Variants in PARD3B observed in about 807,000 individuals in gnomAD.
The protein encoded by PARD3B is par-3 family cell polarity regulator beta.
A neutral mutation model predicts 130.2 loss-of-function variants in PARD3B; 103 were observed. The observed-to-expected ratio is 0.79, with a 90% confidence interval of 0.67 to 0.93. The LOEUF (loss-of-function observed/expected upper bound fraction) is 0.93, where lower values mean the gene tolerates loss of function less well. Ranked by LOEUF, PARD3B falls within the 40% of genes least tolerant of loss-of-function variation. The pLI is 0.00. For missense variants in PARD3B, 1,609 were observed against 1,499.2 expected, an observed-to-expected ratio of 1.07 and a Z score of -1.21; for synonymous variants, 583 against 553.2, an observed-to-expected ratio of 1.05 and a Z score of -0.76.
At chr2:204,777,965 A>G (rs2041696289) in intron 2 of PARD3B, among the ~76,000 whole-genome samples, 1 of 151,914 alleles carries the variant, frequency 6.6e-6, no homozygotes, top group Non-Finnish European at 1.5e-5. Context: ...TCTCCTTCAC[A>G]CACTCTCCTG....
chr2:204,788,488 C>T (rs2042089374), intron 2 of PARD3B, among the ~76,000 whole-genome samples: 1 of 152,210 alleles, frequency 6.6e-6, no homozygotes, highest in Non-Finnish European at 1.5e-5. Context: ...TTATAAGCCA[C>T]CCAGGTGCAG....
intron 6 of PARD3B, among the ~76,000 whole-genome samples, chr2:205,115,493 A>G (rs1703956977): frequency 6.6e-6 from 1 of 152,180 alleles, no homozygotes; most frequent in Non-Finnish European, 1.5e-5. Flanking sequence ...TAAAACCAAA[A>G]AGCCTGATTC....
At position 205,321,715 on chromosome 2, in the gene PARD3B, G is replaced by T. The variant is rs564898856; in HGVS notation, c.2630+20014G>T. On this transcript the variant is annotated intron_variant, in intron 18 of 22. Transcript: ENST00000406610. This position sits in a 1 kb window ranked among gnomAD's most constrained non-coding sequence, Gnocchi z 4.2. ...TCAGAAATTACAAACAAGGAAGGTGGTAATTTCAAATATGATTACAAGTCA... is the reference window on the plus strand; with the variant it reads ...TCAGAAATTACAAACAAGGAAGGTGTTAATTTCAAATATGATTACAAGTCA... 6.6e-6 allele frequency among the ~76,000 whole-genome samples: 1 copy of T among 152,258 alleles called. No homozygotes were observed. The highest frequency in any genetic ancestry group is 1.9e-4 in the East Asian group (1 of 5,194).
In PARD3B at chr2:205,142,913, A is replaced by T. The variant is rs968615944; in HGVS notation, c.1435-15809A>T. Among the ~76,000 whole-genome samples the T allele has an allele frequency of 1.0e-5, 1 of 99,140 alleles. No individual in the cohort carries two copies. The highest frequency in any genetic ancestry group is 2.4e-5 in the Non-Finnish European group (1 of 41,318). The allele number at this position is 99,140 out of a possible 152,430, so 65.0% of individuals were successfully genotyped here. ...ATAAATAAATAAATAAATAAATAAG[A>T]TAGGCAAGCTGGCAAATAATTGTAA... is the stretch of plus-strand genomic sequence containing the variant. On this transcript the variant is annotated intron_variant, in intron 10 of 22. Transcript: ENST00000406610. This position sits in a 1 kb window ranked among gnomAD's most constrained non-coding sequence, Gnocchi z 4.3.
rs944426659 is a variant in PARD3B at position 205,321,943 on chromosome 2, G to A, written c.2630+20242G>A. ...CGGTAACCATTAAATTTGGTGCAGA[G>A]TGCTTGAATGAAATGGTGAACAGGA... On this transcript the variant is annotated intron_variant, in intron 18 of 22. Transcript: ENST00000406610. This position sits in a 1 kb window ranked among gnomAD's most constrained non-coding sequence, Gnocchi z 4.2. Among the ~76,000 whole-genome samples, 1 of 152,176 alleles carries A rather than the reference G, an allele frequency of 6.6e-6. No individual in the cohort carries two copies. The highest frequency in any genetic ancestry group is 2.4e-5 in the African/African-American group (1 of 41,434).
intron 2 of PARD3B, among the ~76,000 whole-genome samples, chr2:204,861,162 T>TTCTCTC (rs60740602): frequency 0.015 from 1,412 of 91,292 alleles, 91 homozygotes; most frequent in East Asian, 0.04. Flanking sequence ...CCTAATACCT[T>TTCTCTC]TCTCTCTCTC....
At chr2:205,238,158 G>A (rs2039153685) in intron 15 of PARD3B, among the ~76,000 whole-genome samples, 1 of 152,162 alleles carries the variant, frequency 6.6e-6, no homozygotes, top group African/African-American at 2.4e-5. Context: ...CGTGGTACTA[G>A]GCTAAAATGG....
At chr2:204,850,047 T>C (rs556174489) in intron 2 of PARD3B, among the ~76,000 whole-genome samples, 18 of 152,332 alleles carry the variant, frequency 1.2e-4, no homozygotes, top group Admixed American at 1.1e-3. Context: ...ACAAGTCTTT[T>C]GGAGCTGGCA....
At chr2:205,432,722 C>G (rs2047379938) in intron 19 of PARD3B, among the ~76,000 whole-genome samples, 1 of 152,170 alleles carries the variant, frequency 6.6e-6, no homozygotes, top group East Asian at 1.9e-4. Context: ...TCATACTACT[C>G]ACACTTCAAG....
rs1378097872 is a variant in PARD3B at position 205,572,763 on chromosome 2, A to G, written c.3260+19360A>G. On this transcript the variant is annotated intron_variant, in intron 22 of 22. Coordinates refer to ENST00000406610, the MANE Select transcript of PARD3B (RefSeq NM_001302769.2). This position sits in a 1 kb window ranked among gnomAD's most constrained non-coding sequence, Gnocchi z 4.2. The stretch of plus-strand genomic sequence containing the variant: ...CCCATCTCCTAAATAAATAAATTGG[A>G]GAGACAAGACTACAATCAGGAAGGG... Among the ~76,000 whole-genome samples the G allele has an allele frequency of 2.0e-5, 3 of 152,176 alleles. No homozygotes were observed. Among genetic ancestry groups the G allele is most frequent in the African/African-American group, 7.2e-5 (3 of 41,440 alleles).
At position 205,440,649 on chromosome 2, in the gene PARD3B, C is replaced by A; in HGVS notation, c.3021C>A (p.Tyr1007Ter). 1 of 1,613,620 alleles carries A rather than the reference C, an allele frequency of 6.2e-7. No homozygotes were observed. The highest frequency in any genetic ancestry group is 1.1e-5 in the South Asian group (1 of 91,072). ...EGLYAKVNKP[Y>*]HPLVPADSGR... ...TCTATGCCAAGGTCAACAAGCCATACCATCCACTGGTTCCAGCTGACAGGT... is the reference window on the plus strand; with the variant it reads ...TCTATGCCAAGGTCAACAAGCCATAACATCCACTGGTTCCAGCTGACAGGT... The change falls in exon 20 of 23, where the codon TAC becomes TAA. Residue 1007 changes from tyrosine to a stop codon, truncating the protein, a stop_gained. Transcript: ENST00000406610. LOFTEE classifies it high-confidence loss of function. This position sits in a 1 kb window ranked among gnomAD's most constrained non-coding sequence, Gnocchi z 4.2.
intron 2 of PARD3B, among the ~76,000 whole-genome samples, chr2:204,798,791 G>A (rs1373124483): frequency 6.6e-6 from 1 of 152,098 alleles, no homozygotes; most frequent in East Asian, 1.9e-4. Flanking sequence ...TGGGCCAGAA[G>A]GGAACCCGAT....
intron 2 of PARD3B, among the ~76,000 whole-genome samples, chr2:204,779,926 A>G (rs1473233065): frequency 2.0e-5 from 3 of 152,224 alleles, no homozygotes; most frequent in Admixed American, 6.5e-5. Flanking sequence ...TGAGTGGTAG[A>G]GAGGAAAATG....
At chr2:205,273,138 C>T (rs1367925530) in intron 16 of PARD3B, among the ~76,000 whole-genome samples, 4 of 152,210 alleles carry the variant, frequency 2.6e-5, no homozygotes, top group Non-Finnish European at 5.9e-5. Context: ...GCAACTAACA[C>T]ATACATTGCA....
At chr2:205,047,954 A>G (rs1216557116) in intron 4 of PARD3B, 1 of 275,986 alleles carries the variant, frequency 3.6e-6, no homozygotes, top group Non-Finnish European at 6.7e-6. Context: ...ACATCAAGGT[A>G]AGCACATGTT....
At chr2:205,520,671 G>A (rs1226622410) in intron 21 of PARD3B, among the ~76,000 whole-genome samples, 1 of 151,854 alleles carries the variant, frequency 6.6e-6, no homozygotes, top group African/African-American at 2.4e-5. Flanking sequence ...ATGCTTTGGA[G>A]TATTTTCTTT....
intron 18 of PARD3B, among the ~76,000 whole-genome samples, chr2:205,394,933 T>C (rs142413617): frequency 0.021 from 3,165 of 152,290 alleles, 43 homozygotes; most frequent in South Asian, 0.033. Context: ...TGTGATGGTT[T>C]CTCAGTGTGA....
intron 6 of PARD3B, among the ~76,000 whole-genome samples, chr2:205,114,862 T>A (rs1011196419): frequency 6.6e-5 from 10 of 151,920 alleles, no homozygotes; most frequent in South Asian, 4.1e-4. Context: ...TCATTTCCTG[T>A]GTGTGTTAAT....
chr2:204,639,482 C>T (rs970987307), intron 1 of PARD3B, among the ~76,000 whole-genome samples: 3 of 152,110 alleles, frequency 2.0e-5, no homozygotes, highest in African/African-American at 4.8e-5. Context: ...AAATGCAGAT[C>T]GAAAATACTT....
Sources: gnomAD v4.1 joint callset for allele counts (sites outside exome capture counted in the v4.1 genomes callset) on GRCh38, gnomAD v4.1.1 for gene constraint, Gnocchi (gnomAD v3.1) non-coding constraint, MANE v1.5 for transcripts, NCBI Gene and HGNC (gene_info 2026-07-23, HGNC 2026-07-21) for gene names.